The following TTC28 variants were observed in gnomAD, a reference collection of about 807,000 sequenced individuals.
TTC28 encodes the protein tetratricopeptide repeat domain 28, also known as tetratricopeptide repeat protein 28.
TTC28 carries 61 observed loss-of-function variants against 198.0 expected under a neutral mutation model. The ratio of observed to expected loss-of-function variants is 0.31; its 90% CI spans 0.25 to 0.38. The LOEUF (loss-of-function observed/expected upper bound fraction) is 0.38, where lower values mean the gene tolerates loss of function less well. TTC28 is among the 10% of genes least tolerant of loss of function. TTC28 has a pLI of 1.00. For missense variants in TTC28, 2,678 were observed against 3,164.0 expected, an observed-to-expected ratio of 0.85 and a Z score of 3.69; for synonymous variants, 1,171 against 1,297.8, an observed-to-expected ratio of 0.90 and a Z score of 2.10.
intron 5 of TTC28, among the ~76,000 whole-genome samples, chr22:28,270,836 C>A (rs1932019621): frequency 6.6e-6 from 1 of 151,994 alleles, no homozygotes; most frequent in Non-Finnish European, 1.5e-5. Flanking sequence ...GAGTTTGAGA[C>A]CAGCCTGGGC....
chr22:28,147,480 G>A (rs1262681257), intron 6 of TTC28, among the ~76,000 whole-genome samples: 2 of 152,144 alleles, frequency 1.3e-5, no homozygotes, highest in Non-Finnish European at 2.9e-5. Flanking sequence ...ATGTCACATT[G>A]TCCTACTCAC....
At chr22:28,613,168 C>G (rs144150028) in intron 2 of TTC28, among the ~76,000 whole-genome samples, 25 of 152,212 alleles carry the variant, frequency 1.6e-4, no homozygotes, top group Non-Finnish European at 2.9e-4. Flanking sequence ...ACTGATCCCA[C>G]ACCTCTATGC....
chr22:28,371,105 C>T (rs191951860), intron 2 of TTC28, among the ~76,000 whole-genome samples: 123 of 152,248 alleles, frequency 8.1e-4, no homozygotes, highest in African/African-American at 2.8e-3. Context: ...AGGTAGCTTG[C>T]ATGTCTGTAC....
chr22:28,529,354 G>A lies in TTC28; in HGVS notation c.381+100198C>T, dbSNP rs1601519771. ...CGAACTGCAAGGCAGCAGCGAGGCTGGGGGACGGGCGCCCACCATTGCTGA... is the reference window on the plus strand; with the variant it reads ...CGAACTGCAAGGCAGCAGCGAGGCTAGGGGACGGGCGCCCACCATTGCTGA... On this transcript the variant is annotated intron_variant, in intron 2 of 22. Transcript: ENST00000397906. Among the ~76,000 whole-genome samples the A allele has an allele frequency of 3.9e-5, 6 of 152,306 alleles. 1 individual carries two copies. Among genetic ancestry groups the A allele is most frequent in the Admixed American group, 3.9e-4 (6 of 15,302 alleles).
chr22:28,586,068 C>G (rs1322940566), intron 2 of TTC28, among the ~76,000 whole-genome samples: 1 of 151,646 alleles, frequency 6.6e-6, no homozygotes, highest in African/African-American at 2.4e-5. Flanking sequence ...ATCACGAGGT[C>G]AGGAGATTGA....
chr22:28,338,461 G>A (rs891836215), intron 2 of TTC28, among the ~76,000 whole-genome samples: 1 of 151,610 alleles, frequency 6.6e-6, no homozygotes, highest in African/African-American at 2.4e-5. Flanking sequence ...TTCTCCCCAT[G>A]ACTTTCAGGT....
chr22:28,233,096 CTG>C lies in TTC28; in HGVS notation c.933+63100_933+63101del, dbSNP rs1409425422. On this transcript the variant is annotated intron_variant, in intron 5 of 22. Coordinates refer to ENST00000397906, the MANE Select transcript of TTC28 (RefSeq NM_001145418.2). The stretch of plus-strand genomic sequence containing the variant: ...CAACCTAGGCAACAAGAGTGAAACT[CTG>C]TCTCAAAAAAAAAAAAATCCATTTT... 1.2e-4 allele frequency among the ~76,000 whole-genome samples: 18 copies of C among 151,286 alleles called. No homozygotes were observed. In the South Asian group the frequency reaches 1.7e-3, roughly 14 times the overall value.
intron 12 of TTC28, among the ~76,000 whole-genome samples, chr22:28,038,900 C>A (rs960246888): frequency 6.6e-6 from 1 of 152,146 alleles, no homozygotes; most frequent in Non-Finnish European, 1.5e-5. Flanking sequence ...ATTTATGTAG[C>A]CAACAGACAC....
chr22:28,593,004 A>C (rs2050461472), intron 2 of TTC28, among the ~76,000 whole-genome samples: 1 of 152,214 alleles, frequency 6.6e-6, no homozygotes, highest in South Asian at 2.1e-4. Context: ...GAAAGGAACC[A>C]AATAAGATTT....
intron 5 of TTC28, among the ~76,000 whole-genome samples, chr22:28,190,767 G>A (rs1924657968): frequency 6.6e-6 from 1 of 152,092 alleles, no homozygotes; most frequent in African/African-American, 2.4e-5. Flanking sequence ...CCCCATCACT[G>A]CCCACATCTA....
At position 28,590,570 on chromosome 22, in the gene TTC28, T is replaced by G. The variant is rs545795057; in HGVS notation, c.381+38982A>C. Reference sequence around the variant, plus strand: ...GAGCTCGAGACCAGCCTGGGCAACATAGCAAGACACCCATCTCTACAAAAC... The same window carrying G: ...GAGCTCGAGACCAGCCTGGGCAACAGAGCAAGACACCCATCTCTACAAAAC... On this transcript the variant is annotated intron_variant, in intron 2 of 22. Transcript: ENST00000397906. 1.9e-4 allele frequency among the ~76,000 whole-genome samples: 29 copies of G among 152,160 alleles called. No individual in the cohort carries two copies. In the South Asian group the frequency reaches 5.8e-3, roughly 30 times the overall value.
intron 6 of TTC28, among the ~76,000 whole-genome samples, chr22:28,151,256 A>G (rs577615971): frequency 1.3e-5 from 2 of 152,380 alleles, no homozygotes; most frequent in East Asian, 1.9e-4. Flanking sequence ...TGCTGATAAC[A>G]TCAGATTACA....
At chr22:28,631,907 C>A (rs2051179418) in intron 1 of TTC28, among the ~76,000 whole-genome samples, 1 of 151,988 alleles carries the variant, frequency 6.6e-6, no homozygotes, top group Non-Finnish European at 1.5e-5. Context: ...TCAAGGACAG[C>A]CATTTTATAC....
chr22:27,993,166 G>A (rs546496368), intron 18 of TTC28, 121 bp downstream of exon 18: 2 of 912,944 alleles, frequency 2.2e-6, no homozygotes, highest in South Asian at 3.6e-5. Context: ...CATTTCTCAG[G>A]ACACCCTCCT....
At chr22:28,629,367 G>C (rs918609611) in intron 2 of TTC28, 185 bp downstream of exon 2, 1 of 592,662 alleles carries the variant, frequency 1.7e-6, no homozygotes, top group Non-Finnish European at 2.8e-6. Flanking sequence ...TGGAAAGCAT[G>C]CTACAAAAAA....
At chr22:28,603,169 G>A (rs922805895) in intron 2 of TTC28, among the ~76,000 whole-genome samples, 1 of 151,986 alleles carries the variant, frequency 6.6e-6, no homozygotes, top group African/African-American at 2.4e-5. Flanking sequence ...ATGAGCCACC[G>A]TGCCTGGCCC....
chr22:28,283,331 C>CACAA (rs745336450), intron 5 of TTC28, among the ~76,000 whole-genome samples: 3 of 144,956 alleles, frequency 2.1e-5, no homozygotes, highest in African/African-American at 7.4e-5. Flanking sequence ...CTCTTACACA[C>CACAA]ACACACACAC....
intron 5 of TTC28, among the ~76,000 whole-genome samples, chr22:28,288,417 G>A (rs1302923118): frequency 1.3e-5 from 2 of 152,124 alleles, no homozygotes; most frequent in African/African-American, 4.8e-5. Context: ...AGAAATAAGT[G>A]CGATGCTCAT....
In TTC28 at chr22:27,982,990, G is replaced by A. The variant is rs1466323893; in HGVS notation, c.6677C>T (p.Pro2226Leu). The A allele has an allele frequency of 4.5e-6, 7 of 1,551,718 alleles. No homozygotes were observed. The South Asian group carries it at 8.3e-5, about 18-fold the overall frequency. The change falls in exon 23 of 23, where the codon CCA becomes CTA. Residue 2226 changes from proline (P) to leucine (L), a missense_variant. Pro to Leu is a moderately conservative substitution (Grantham distance 98). Around this residue, in one of 8 missense-constraint regions of TTC28, gnomAD observed 622 missense variants for 656.0 expected, o/e 0.95. Coordinates refer to ENST00000397906, the MANE Select transcript of TTC28 (RefSeq NM_001145418.2). The surrounding 1 kb of genome is among the most constrained non-coding windows in gnomAD (Gnocchi z 5.2). ...CTTTGGTTTAACAGTGACTGGTGAT[G>A]GCTGACTCTTCTGATGGGAGAGAAC... ...RPVLSHQKSQ[P>L]SPVTVKPKPP...
Sources: allele counts gnomAD v4.1 joint callset (sites outside exome capture counted in the v4.1 genomes callset), GRCh38; gene constraint gnomAD v4.1.1; regional missense constraint gnomAD v4.1.1; non-coding constraint Gnocchi (gnomAD v3.1); transcripts MANE v1.5; gene names NCBI Gene and HGNC (gene_info 2026-07-23, HGNC 2026-07-21).